The following NUP54 variants were observed in gnomAD, a reference collection of about 807,000 sequenced individuals.
NUP54 encodes nucleoporin 54.
Under a neutral mutation model 66.4 loss-of-function variants are expected in NUP54, and 27 were observed. The observed-to-expected ratio is 0.41, with a 90% confidence interval of 0.30 to 0.56. The LOEUF (loss-of-function observed/expected upper bound fraction) is 0.56, where lower values mean the gene tolerates loss of function less well. Ranked by LOEUF, NUP54 falls within the 20% of genes least tolerant of loss-of-function variation. NUP54 has a pLI of 0.34. For missense variants in NUP54, 486 were observed against 596.3 expected (o/e 0.82, Z 1.93); for synonymous variants, 206 against 210.7 (o/e 0.98, Z 0.19).
At chr4:76,120,924 C>A (rs1473713639) in intron 9 of NUP54, among the ~76,000 whole-genome samples, 3 of 152,172 alleles carry the variant, frequency 2.0e-5, no homozygotes, top group African/African-American at 7.2e-5. Context: ...AACACTAAAT[C>A]TAAAATGAAT....
intron 9 of NUP54, among the ~76,000 whole-genome samples, chr4:76,120,779 A>G (rs996557012): frequency 1.3e-5 from 2 of 152,208 alleles, no homozygotes; most frequent in African/African-American, 4.8e-5. Flanking sequence ...TAGTAAATTA[A>G]AGGGACCATC....
At chr4:76,147,284 T>C (rs1281481321) in intron 1 of NUP54, among the ~76,000 whole-genome samples, 1 of 152,220 alleles carries the variant, frequency 6.6e-6, no homozygotes, top group Non-Finnish European at 1.5e-5. Flanking sequence ...AGGAACACTG[T>C]AACTTGCAAA....
chr4:76,130,153 G>C (rs1481927214), intron 8 of NUP54, among the ~76,000 whole-genome samples: 1 of 151,124 alleles, frequency 6.6e-6, no homozygotes, highest in Non-Finnish European at 1.5e-5. Flanking sequence ...GCTAATTTTT[G>C]AATTTTTTAG....
chr4:76,134,143 C>G (rs779852942), intron 5 of NUP54, 32 bp downstream of exon 5: 4 of 1,469,510 alleles, frequency 2.7e-6, no homozygotes, highest in Non-Finnish European at 2.8e-6. Flanking sequence ...AATAAATACA[C>G]AGAAATAAAC....
rs1730850470 is a variant in NUP54, at chr4:76,132,579, G to C, written c.851C>G (p.Thr284Ser). The change falls in exon 6 of 12, where the codon ACT becomes AGT. Residue 284 changes from threonine to serine, a missense_variant. Physicochemically the swap from Thr to Ser is moderately conservative, Grantham distance 58. Coordinates refer to ENST00000264883, the MANE Select transcript of NUP54 (RefSeq NM_017426.4). ...CTGTGCAGGAGAAAGTTCTGTTCTA[G>C]TCATAGAAAGGGTTACACCAAGTTG... ...LQQLGVTLSM[T>S]RTELSPAQIK... The C allele has an allele frequency of 2.5e-6, 4 of 1,613,968 alleles. No homozygotes were observed. Among genetic ancestry groups the C allele is most frequent in the Non-Finnish European group, 3.4e-6 (4 of 1,179,974 alleles).
chr4:76,119,840 T>C (rs1398009327), intron 9 of NUP54, among the ~76,000 whole-genome samples: 1 of 152,128 alleles, frequency 6.6e-6, no homozygotes, highest in African/African-American at 2.4e-5. Context: ...TATAACCATA[T>C]CTTTTTCATA....
rs774493518 is a variant in NUP54, at chr4:76,130,648, A to G, written c.1056+8T>C. 12 of 1,597,996 alleles carry G rather than the reference A, an allele frequency of 7.5e-6. No individual in the cohort carries two copies. In the Admixed American group the frequency reaches 1.8e-4, roughly 24 times the overall value. ...CCAGGGCCAGGGAATAAAAAGCTAA[A>G]TGCTTACATCTAATCTGGTTTGATG... On this transcript the variant is annotated splice_region_variant and intron_variant, in intron 8 of 11. Coordinates refer to ENST00000264883, the MANE Select transcript of NUP54 (RefSeq NM_017426.4).
chr4:76,115,542 C>T, intron 11 of NUP54, 48 bp from the exon 12 acceptor site: 1 of 1,478,054 alleles, frequency 6.8e-7, no homozygotes, highest in Non-Finnish European at 9.1e-7. Flanking sequence ...TTTCTTAAAA[C>T]TGCAAGCTAG....
At position 76,117,728 on chromosome 4, in the gene NUP54, A is replaced by T; in HGVS notation, c.1331T>A (p.Phe444Tyr). The T allele has an allele frequency of 6.2e-7, 1 of 1,614,092 alleles. No individual in the cohort carries two copies. Among genetic ancestry groups the T allele is most frequent in the East Asian group, 2.2e-5 (1 of 44,856 alleles). ...LMSQIRMQNH[F>Y]GAVRSEERYY... is the part of the protein sequence containing the mutation. ...CCTTTCTTCAGATCTGACTGCTCCA[A>T]AATGATTCTGCATCCTGATTTGAGA... The change falls in exon 11 of 12, where the codon TTT (phenylalanine) becomes TAT (tyrosine). Residue 444 changes from phenylalanine (F) to tyrosine (Y), a missense_variant. Physicochemically the swap from Phe to Tyr is conservative, Grantham distance 22. Coordinates refer to ENST00000264883, the MANE Select transcript of NUP54 (RefSeq NM_017426.4).
intron 3 of NUP54, among the ~76,000 whole-genome samples, chr4:76,139,997 G>T (rs1206411515): frequency 6.6e-6 from 1 of 152,208 alleles, no homozygotes; most frequent in Non-Finnish European, 1.5e-5. Context: ...TAAAGGGGAG[G>T]AGAGTGGTAG....
intron 1 of NUP54, among the ~76,000 whole-genome samples, chr4:76,144,730 T>G (rs1305888355): frequency 1.3e-5 from 2 of 152,184 alleles, no homozygotes; most frequent in Admixed American, 1.3e-4. Flanking sequence ...AAGGGGTGGT[T>G]AACAGTTACA....
Position 76,117,789 on chromosome 4 carries a change from T to C in NUP54, c.1285-15A>G, listed in dbSNP as rs1348385520. 3.2e-6 allele frequency: 5 copies of C among 1,586,730 alleles called. No individual in the cohort carries two copies. The South Asian group carries it at 4.4e-5, about 14-fold the overall frequency. On this transcript the variant is annotated splice_polypyrimidine_tract_variant and intron_variant, in intron 10 of 11. Transcript: ENST00000264883. ...TTTAGTCGGCCCTAAAAGTTAAGACTGAGTCAAATTACAACTGCCGACGAA... is the reference window on the plus strand; with the variant it reads ...TTTAGTCGGCCCTAAAAGTTAAGACCGAGTCAAATTACAACTGCCGACGAA...
chr4:76,133,597 G>A (rs1484695809), intron 5 of NUP54, among the ~76,000 whole-genome samples: 2 of 152,090 alleles, frequency 1.3e-5, no homozygotes, highest in African/African-American at 2.4e-5. Context: ...GTGAGCCACC[G>A]TGCCCGGCCA....
intron 3 of NUP54, among the ~76,000 whole-genome samples, chr4:76,143,935 T>C (rs1731373759): frequency 6.6e-6 from 1 of 152,242 alleles, no homozygotes; most frequent in African/African-American, 2.4e-5. Context: ...TTAAATGGAA[T>C]GATCCTAAAC....
chr4:76,130,046 T>C (rs1484225807), intron 8 of NUP54, among the ~76,000 whole-genome samples: 3 of 136,394 alleles, frequency 2.2e-5, no homozygotes, highest in Non-Finnish European at 4.6e-5. Flanking sequence ...AGTGGCACGA[T>C]TTCTGTTCAC....
chr4:76,127,940 G>A lies in NUP54; in HGVS notation c.1056+2716C>T, dbSNP rs372109432. 3.9e-5 allele frequency among the ~76,000 whole-genome samples: 6 copies of A among 152,268 alleles called. No individual in the cohort carries two copies. The East Asian group carries it at 7.7e-4, about 20-fold the overall frequency. ...AAACTTGGATGGAATACACGGGGCA[G>A]CTATTTGGGAACTCTGGCAGGAAGA... is the stretch of plus-strand genomic sequence containing the variant. On this transcript the variant is annotated intron_variant, in intron 8 of 11. Coordinates refer to ENST00000264883, the MANE Select transcript of NUP54 (RefSeq NM_017426.4).
intron 5 of NUP54, among the ~76,000 whole-genome samples, chr4:76,132,951 C>G (rs779425714): frequency 2.7e-5 from 4 of 150,832 alleles, no homozygotes; most frequent in Non-Finnish European, 4.4e-5. Flanking sequence ...CAGGCTTAAG[C>G]AATTCTCCCA....
intron 3 of NUP54, among the ~76,000 whole-genome samples, chr4:76,138,666 G>A (rs1424089047): frequency 6.6e-6 from 1 of 152,196 alleles, no homozygotes; most frequent in African/African-American, 2.4e-5. Flanking sequence ...TCAAGCCTGA[G>A]AGAGGGGTCA....
At chr4:76,145,572 G>C in intron 1 of NUP54, 1 of 1,275,924 alleles carries the variant, frequency 7.8e-7, no homozygotes, top group Non-Finnish European at 1.0e-6. Context: ...CAACAAGAAT[G>C]TGTTTCTTGA....
Sources: gnomAD v4.1 joint callset for allele counts (sites outside exome capture counted in the v4.1 genomes callset) on GRCh38, gnomAD v4.1.1 for gene constraint, MANE v1.5 for transcripts, NCBI Gene and HGNC (gene_info 2026-07-23, HGNC 2026-07-21) for gene names.